Variants in AP1B1 observed in about 807,000 individuals in gnomAD.
AP1B1 encodes the protein AP-1 complex subunit beta-1.
Under a neutral mutation model 104.3 loss-of-function variants are expected in AP1B1, and 36 were observed. The observed-to-expected ratio is 0.35, with a 90% confidence interval of 0.26 to 0.46. The LOEUF (loss-of-function observed/expected upper bound fraction) is 0.46, where lower values mean the gene tolerates loss of function less well. Ranked by LOEUF, AP1B1 falls within the 20% of genes least tolerant of loss-of-function variation. The probability of loss-of-function intolerance (pLI) is 1.00; values close to 1 mark genes in which losing one functional copy is unlikely to be tolerated. For synonymous variants in AP1B1, 504 were observed against 517.5 expected (o/e 0.97, Z 0.35); for missense variants, 901 against 1,247.9 (o/e 0.72, Z 4.19).
rs1445106515 is a variant in AP1B1 at position 29,359,780 on chromosome 22, C to A, written c.279+44G>T. 11 of 1,583,836 alleles carry A rather than the reference C, an allele frequency of 6.9e-6. No individual in the cohort carries two copies. In the East Asian group the frequency reaches 2.3e-4, roughly 32 times the overall value. On this transcript the variant is annotated intron_variant, in intron 4 of 22. Coordinates refer to ENST00000357586, the MANE Select transcript of AP1B1 (RefSeq NM_001127.4). ...CCAAAGAGACTGAGGGGAGACAGAG[C>A]CTTAAGCACCCAATGTCCCCACGCC... is the stretch of plus-strand genomic sequence containing the variant.
At chr22:29,345,439 T>C (rs949852916) in intron 11 of AP1B1, among the ~76,000 whole-genome samples, 7 of 145,226 alleles carry the variant, frequency 4.8e-5, no homozygotes, top group African/African-American at 1.6e-4. Context: ...TGGTGTGATC[T>C]TGACTCACTG....
chr22:29,329,569 A>C (rs1347787038), intron 22 of AP1B1, 143 bp downstream of exon 22: 1 of 1,517,514 alleles, frequency 6.6e-7, no homozygotes, highest in Non-Finnish European at 8.8e-7. Flanking sequence ...TCAGCACCTC[A>C]ATCAGGGCCA....
chr22:29,377,810 C>CAA (rs34461211), intron 1 of AP1B1, among the ~76,000 whole-genome samples: 16 of 76,640 alleles, frequency 2.1e-4, no homozygotes, highest in South Asian at 1.6e-3. Context: ...GACTCTGTCT[C>CAA]AAAAAAAAAA....
chr22:29,341,701 C>T lies in AP1B1; in HGVS notation c.1596G>A (p.Thr532=), dbSNP rs755550528. The T allele has an allele frequency of 4.0e-5, 64 of 1,613,952 alleles. No homozygotes were observed. Among genetic ancestry groups the T allele is most frequent in the Admixed American group, 3.8e-4 (23 of 60,002 alleles). ...CCACCTCCTTGGCTGCCACCGGGTC[C>T]GTGGACAGCAGGCGCCAGTAGATGT... The part of the protein sequence containing the change: ...RGYIYWRLLS[T]DPVAAKEVVL... The change falls in exon 13 of 23, where the codon ACG becomes ACA. Residue 532 remains threonine (T), a synonymous_variant. Transcript: ENST00000357586.
chr22:29,342,710 C>A (rs1360467738), intron 11 of AP1B1, among the ~76,000 whole-genome samples: 1 of 152,222 alleles, frequency 6.6e-6, no homozygotes, highest in Non-Finnish European at 1.5e-5. Flanking sequence ...GAGAAGCTCA[C>A]ATGTGTGGCT....
In AP1B1 at chr22:29,349,230, G is replaced by T. The variant is rs144812422; in HGVS notation, c.1425C>A (p.Asp475Glu). The T allele has an allele frequency of 1.9e-6, 3 of 1,613,006 alleles. No homozygotes were observed. Among genetic ancestry groups the T allele is most frequent in the African/African-American group, 1.3e-5 (1 of 74,942 alleles). Reference sequence around the variant, plus strand: ...CTCGCTGGCTCACCTGTGTGCTCTCGTCATGGAAGCCCTCGAGGAAGCTCT... The same window carrying T: ...CTCGCTGGCTCACCTGTGTGCTCTCTTCATGGAAGCCCTCGAGGAAGCTCT... ...LLESFLEGFH[D>E]ESTQVQLQLL... The change falls in exon 11 of 23, where the codon GAC (aspartate) becomes GAA (glutamate). Residue 475 changes from aspartate (D) to glutamate (E), a missense_variant. This residue lies in a region of AP1B1 where 471 missense variants were observed against 696.7 expected (regional missense o/e 0.68). Transcript: ENST00000357586.
intron 7 of AP1B1, among the ~76,000 whole-genome samples, chr22:29,353,149 T>C (rs573529984): frequency 7.2e-4 from 109 of 152,224 alleles, no homozygotes; most frequent in African/African-American, 2.6e-3. Context: ...CTCCTACTCC[T>C]ATGCCCTTCC....
intron 11 of AP1B1, 105 bp from the exon 12 acceptor site, chr22:29,342,488 C>G: frequency 1.1e-6 from 1 of 880,548 alleles, no homozygotes; most frequent in Non-Finnish European, 1.8e-6. Flanking sequence ...TCCCTGGAAG[C>G]CAAGCATAGC....
At chr22:29,332,542 G>A (rs1443739100) in intron 17 of AP1B1, among the ~76,000 whole-genome samples, 1 of 152,142 alleles carries the variant, frequency 6.6e-6, no homozygotes, top group Non-Finnish European at 1.5e-5. Context: ...CATGGGACTG[G>A]GGGCACAAAC....
intron 2 of AP1B1, among the ~76,000 whole-genome samples, chr22:29,364,942 C>A (rs1256833044): frequency 6.6e-6 from 1 of 152,138 alleles, no homozygotes; most frequent in African/African-American, 2.4e-5. Context: ...CTCCTGACCT[C>A]AGGTGATCCA....
Position 29,330,367 on chromosome 22 carries a change from G to A in AP1B1, c.2766+11C>T, listed in dbSNP as rs200945097. The stretch of plus-strand genomic sequence containing the variant: ...GCTCCAAGGCTGCAGGGCGGGTGCC[G>A]GGGCTCTCACCGTGCAGCTGGGGTT... On this transcript the variant is annotated intron_variant, in intron 21 of 22. Transcript: ENST00000357586. 6.8e-6 allele frequency: 11 copies of A among 1,612,666 alleles called. No individual in the cohort carries two copies. The highest frequency in any genetic ancestry group is 6.7e-5 in the East Asian group (3 of 44,858).
At chr22:29,332,508 G>A (rs1265960939) in intron 17 of AP1B1, among the ~76,000 whole-genome samples, 2 of 152,238 alleles carry the variant, frequency 1.3e-5, no homozygotes, top group African/African-American at 4.8e-5. Flanking sequence ...CCAGCAGCAG[G>A]CTCTTGGAAG....
chr22:29,352,062 T>A (rs2061884482), intron 7 of AP1B1, among the ~76,000 whole-genome samples: 1 of 152,172 alleles, frequency 6.6e-6, no homozygotes, highest in African/African-American at 2.4e-5. Flanking sequence ...CGGAGGGCAG[T>A]GAGAGACGGC....
Position 29,349,281 on chromosome 22 carries a change from C to G in AP1B1, c.1374G>C (p.Arg458=). The G allele has an allele frequency of 6.2e-7, 1 of 1,614,080 alleles. No individual in the cohort carries two copies. The highest frequency in any genetic ancestry group is 1.1e-5 in the South Asian group (1 of 91,090). ...CCAGCAGCTCATCTGCGTTGTCGAT[C>G]CGTTCCGCGTACTCGCCCACAATCC... is the stretch of plus-strand genomic sequence containing the variant. ...MIWIVGEYAE[R]IDNADELLES... Residue 458 remains arginine, a synonymous_variant, in exon 11 of 23, where the codon CGG becomes CGC. Transcript: ENST00000357586.
At chr22:29,330,213 G>A (rs2061536149) in intron 21 of AP1B1, 165 bp downstream of exon 21, 2 of 1,471,422 alleles carry the variant, frequency 1.4e-6, no homozygotes, top group African/African-American at 1.4e-5. Context: ...ACCTGACGGG[G>A]TTGATTTGGA....
intron 7 of AP1B1, 67 bp from the exon 8 acceptor site, chr22:29,351,892 CA>C (rs760241400): frequency 7.6e-6 from 12 of 1,585,970 alleles, no homozygotes; most frequent in Non-Finnish European, 1.0e-5. Flanking sequence ...AAATGCCCTC[CA>C]CATTTGCTGG....
chr22:29,339,100 C>T lies in AP1B1; in HGVS notation c.2053G>A (p.Ala685Thr). 1 of 1,614,164 alleles carries T rather than the reference C, an allele frequency of 6.2e-7. No individual in the cohort carries two copies. Among genetic ancestry groups the T allele is most frequent in the South Asian group, 1.1e-5 (1 of 91,084 alleles). ...GCTCCAAGATTGGCTGGTACTGCTG[C>T]TGTTGGAGGTGCCACGAAGTTGGTG... ...GGTNFVAPPTAAVPANLGAPI... is the reference protein window; with the variant it reads ...GGTNFVAPPTTAVPANLGAPI... Residue 685 changes from alanine to threonine, a missense_variant, in exon 16 of 23, where the codon GCA (alanine) becomes ACA (threonine). Ala to Thr is a moderately conservative substitution (Grantham distance 58, BLOSUM62 0). Around this residue, in one of 3 missense-constraint regions of AP1B1, gnomAD observed 424 missense variants for 494.0 expected, o/e 0.86. Transcript: ENST00000357586.
chr22:29,342,691 C>T (rs1014957002), intron 11 of AP1B1, among the ~76,000 whole-genome samples: 3 of 152,216 alleles, frequency 2.0e-5, no homozygotes, highest in Non-Finnish European at 4.4e-5. Context: ...CTAGAATTCA[C>T]AGAACTATGA....
intron 5 of AP1B1, 126 bp downstream of exon 5, chr22:29,358,599 CA>C: frequency 7.6e-7 from 1 of 1,310,818 alleles, no homozygotes; most frequent in South Asian, 1.4e-5. Flanking sequence ...GGCACAAGAA[CA>C]ACTGGCACCC....
Sources: gnomAD v4.1 joint callset for allele counts (sites outside exome capture counted in the v4.1 genomes callset) on GRCh38, gnomAD v4.1.1 for gene constraint, gnomAD v4.1.1 regional missense constraint, MANE v1.5 for transcripts, NCBI Gene and HGNC (gene_info 2026-07-23, HGNC 2026-07-21) for gene names.